ACACB: variants seen among roughly 807,000 people sequenced by gnomAD.
ACACB encodes acetyl-CoA carboxylase 2.
In ACACB, 209 loss-of-function variants were observed where a neutral mutation model predicts 278.8. The observed-to-expected ratio is 0.75, with a 90% confidence interval of 0.67 to 0.84. The LOEUF is 0.84. Among genes scored for constraint, ACACB ranks in the 40% least tolerant of loss-of-function variants. The probability of loss-of-function intolerance (pLI) is 0.00; values close to 1 mark genes in which losing one functional copy is unlikely to be tolerated. For missense variants in ACACB, 2,850 were observed against 3,269.0 expected, an observed-to-expected ratio of 0.87 and a Z score of 3.13; for synonymous variants, 1,174 against 1,285.6, an observed-to-expected ratio of 0.91 and a Z score of 1.86.
In ACACB at chr12:109,265,487, G is replaced by A. The variant is rs199938512; in HGVS notation, c.7212G>A (p.Thr2404=). 96 of 1,613,682 alleles carry A rather than the reference G, an allele frequency of 5.9e-5. No homozygotes were observed. Among genetic ancestry groups the A allele is most frequent in the East Asian group, 1.1e-4 (5 of 44,870 alleles). ...GCTCCACCATCCGTGAGAACATCAC[G>A]TACCTGAAGCACGACTCTGTCCTCA... ...GPRSTIRENI[T]YLKHDSVLKT... The change falls in exon 52 of 53, where the codon ACG becomes ACA. Residue 2404 remains threonine, a synonymous_variant. Transcript: ENST00000338432.
chr12:109,122,804 G>A (rs1368509144), intron 1 of ACACB, among the ~76,000 whole-genome samples: 1 of 151,902 alleles, frequency 6.6e-6, no homozygotes, highest in Non-Finnish European at 1.5e-5. Context: ...TCATCAGCCA[G>A]CTTCAATAAC....
chr12:109,254,933 C>G (rs558120208), intron 44 of ACACB, among the ~76,000 whole-genome samples: 1 of 152,214 alleles, frequency 6.6e-6, no homozygotes, highest in East Asian at 1.9e-4. Flanking sequence ...TGCCACCACA[C>G]CCAGCTAATT....
intron 41 of ACACB, among the ~76,000 whole-genome samples, chr12:109,251,593 A>T (rs954161481): frequency 3.3e-5 from 5 of 152,194 alleles, no homozygotes; most frequent in Non-Finnish European, 7.3e-5. Context: ...AGCTTCCCCT[A>T]TGGTACTTAC....
rs2047486198 is a variant in ACACB at position 109,265,297 on chromosome 12, A to C, written c.7113+17A>C. On this transcript the variant is annotated intron_variant, in intron 51 of 52. Transcript: ENST00000338432. ...GCTGTCAAGGTGGGCCTGGGGTGAGAACGAGGCCGGTGAGCACAGGGGGTG... is the reference window on the plus strand; with the variant it reads ...GCTGTCAAGGTGGGCCTGGGGTGAGCACGAGGCCGGTGAGCACAGGGGGTG... 3.7e-6 allele frequency: 6 copies of C among 1,612,150 alleles called. No individual in the cohort carries two copies. The Admixed American group carries it at 1.0e-4, about 27-fold the overall frequency.
At chr12:109,196,451 C>T (rs2284692) in intron 16 of ACACB, among the ~76,000 whole-genome samples, 14,676 of 152,162 alleles carry the variant, frequency 0.096, 1,587 homozygotes, top group African/African-American at 0.26. Flanking sequence ...GCTGTCCTTT[C>T]GCTATGTCCT....
At chr12:109,217,582 C>G (rs1009503906) in intron 24 of ACACB, among the ~76,000 whole-genome samples, 2 of 151,904 alleles carry the variant, frequency 1.3e-5, no homozygotes. Flanking sequence ...GAGAATCACT[C>G]GAGGCCAGGA....
At chr12:109,196,027 T>C (rs954874243) in intron 16 of ACACB, among the ~76,000 whole-genome samples, 11 of 152,250 alleles carry the variant, frequency 7.2e-5, no homozygotes, top group African/African-American at 2.7e-4. Context: ...TTACAAATAA[T>C]GCTGCAATAC....
chr12:109,140,265 TCC>T (rs2043079647), intron 2 of ACACB, among the ~76,000 whole-genome samples: 10 of 78,774 alleles, frequency 1.3e-4, no homozygotes, highest in East Asian at 2.5e-4. Flanking sequence ...CATCCTTCCT[TCC>T]TTCTTTCCTT....
intron 26 of ACACB, among the ~76,000 whole-genome samples, chr12:109,223,514 C>T (rs567190357): frequency 1.4e-4 from 22 of 152,180 alleles, no homozygotes; most frequent in Middle Eastern, 3.4e-3. Context: ...TCCCAGCACT[C>T]GGGAGGCCAA....
intron 21 of ACACB, among the ~76,000 whole-genome samples, chr12:109,211,171 A>G (rs1370445919): frequency 1.3e-5 from 2 of 151,668 alleles, no homozygotes; most frequent in Non-Finnish European, 2.9e-5. Flanking sequence ...GTGATTTGGG[A>G]AACCAGAGGA....
chr12:109,225,744 T>G (rs1180612049), intron 27 of ACACB, among the ~76,000 whole-genome samples: 1 of 152,364 alleles, frequency 6.6e-6, no homozygotes, highest in African/African-American at 2.4e-5. Context: ...CAGCCACGTG[T>G]GGTTAGTGAG....
At chr12:109,248,178 G>A (rs1170877390) in intron 40 of ACACB, among the ~76,000 whole-genome samples, 2 of 152,182 alleles carry the variant, frequency 1.3e-5, no homozygotes, top group Non-Finnish European at 2.9e-5. Context: ...ACAAGCTGGG[G>A]GGAAATTCCA....
chr12:109,178,753 G>T (rs2044358410), intron 9 of ACACB, among the ~76,000 whole-genome samples: 1 of 152,212 alleles, frequency 6.6e-6, no homozygotes, highest in African/African-American at 2.4e-5. Flanking sequence ...GGCAAGGGCT[G>T]GTGGGAGGTT....
At chr12:109,159,677 C>T (rs1452471290) in intron 2 of ACACB, among the ~76,000 whole-genome samples, 1 of 152,086 alleles carries the variant, frequency 6.6e-6, no homozygotes, top group Non-Finnish European at 1.5e-5. Context: ...CTGTGCATTG[C>T]AGGGTGTTGA....
chr12:109,167,477 T>TAGTC (rs1406204332), intron 3 of ACACB, among the ~76,000 whole-genome samples: 1 of 150,954 alleles, frequency 6.6e-6, no homozygotes, highest in East Asian at 2.0e-4. Flanking sequence ...TGTACACCTG[T>TAGTC]AGTCCCAGCT....
Position 109,247,624 on chromosome 12 carries a change from C to A in ACACB, c.5590C>A (p.Leu1864Met), listed in dbSNP as rs552016893. The change falls in exon 40 of 53, where the codon CTG (leucine) becomes ATG (methionine). Residue 1864 changes from leucine to methionine, a missense_variant. By Grantham distance (15) the Leu-to-Met change is conservative. Coordinates refer to ENST00000338432, the MANE Select transcript of ACACB (RefSeq NM_001093.4). ...TTTTAAGGGATTTAAATACCTGTACCTGACTCCCCAAGACTACACCAGAAT... is the reference window on the plus strand; with the variant it reads ...TTTTAAGGGATTTAAATACCTGTACATGACTCCCCAAGACTACACCAGAAT... ...DPHKGFKYLY[L>M]TPQDYTRISS... 4.3e-6 allele frequency: 7 copies of A among 1,613,562 alleles called. No homozygotes were observed. In the South Asian group the frequency reaches 5.5e-5, roughly 13 times the overall value.
chr12:109,176,506 G>A (rs1397737746), intron 9 of ACACB, among the ~76,000 whole-genome samples: 1 of 152,156 alleles, frequency 6.6e-6, no homozygotes, highest in Non-Finnish European at 1.5e-5. Context: ...ATCTAGAAAT[G>A]ATTTCAGAGA....
chr12:109,244,246 C>T (rs1565965479), intron 37 of ACACB, among the ~76,000 whole-genome samples: 4 of 152,192 alleles, frequency 2.6e-5, no homozygotes, highest in Non-Finnish European at 5.9e-5. Flanking sequence ...GCCTATGCCT[C>T]ATGCATAGAG....
chr12:109,260,078 C>G (rs1335315316), intron 47 of ACACB: 3 of 1,360,390 alleles, frequency 2.2e-6, no homozygotes, highest in Non-Finnish European at 2.9e-6. Context: ...GCCTGGGGAC[C>G]TGGAGAGATG....
Sources: gnomAD v4.1 joint callset for allele counts (sites outside exome capture counted in the v4.1 genomes callset) on GRCh38, gnomAD v4.1.1 for gene constraint, MANE v1.5 for transcripts, NCBI Gene and HGNC (gene_info 2026-07-23, HGNC 2026-07-21) for gene names.